BMP8B: variants seen among roughly 807,000 people sequenced by gnomAD.
BMP8B encodes bone morphogenetic protein 8b.
BMP8B carries 17 observed loss-of-function variants against 30.3 expected under a neutral mutation model. The ratio of observed to expected loss-of-function variants is 0.56; its 90% confidence interval spans 0.38 to 0.84. The LOEUF (loss-of-function observed/expected upper bound fraction) is 0.84, where lower values mean the gene tolerates loss of function less well. Among genes scored for constraint, BMP8B ranks in the 40% least tolerant of loss-of-function variants. The probability of loss-of-function intolerance (pLI) is 0.00; values close to 1 mark genes in which losing one functional copy is unlikely to be tolerated. For synonymous variants in BMP8B, 131 were observed against 214.7 expected (o/e 0.61, Z 3.41); for missense variants, 253 against 494.6 (o/e 0.51, Z 4.63).
At chr1:39,776,543 G>A (rs559402113) in intron 1 of BMP8B, among the ~76,000 whole-genome samples, 137 of 152,300 alleles carry the variant, frequency 9.0e-4, no homozygotes, top group South Asian at 2.7e-3. Flanking sequence ...TCGTGGTGGG[G>A]ACCTGGTCCG....
At chr1:39,762,667 C>T (rs1414732106) in intron 6 of BMP8B, 38 of 1,528,298 alleles carry the variant, frequency 2.5e-5, no homozygotes, top group Admixed American at 8.5e-5. Flanking sequence ...TGAGTGCACA[C>T]GCACACCCCA....
intron 1 of BMP8B, among the ~76,000 whole-genome samples, chr1:39,786,025 G>C (rs1260871830): frequency 6.6e-6 from 1 of 152,174 alleles, no homozygotes; most frequent in Non-Finnish European, 1.5e-5. Flanking sequence ...GCTGGTGTGG[G>C]AAGAAGCTGG....
intron 3 of BMP8B, among the ~76,000 whole-genome samples, chr1:39,771,619 A>G (rs1029537984): frequency 6.7e-6 from 1 of 150,120 alleles, no homozygotes; most frequent in Non-Finnish European, 1.5e-5. Context: ...AGCTCATTAA[A>G]GACACCAAGT....
chr1:39,775,663 G>C (rs1237733203), intron 1 of BMP8B, among the ~76,000 whole-genome samples: 1 of 152,262 alleles, frequency 6.6e-6, no homozygotes, highest in Non-Finnish European at 1.5e-5. Flanking sequence ...GGCCAGAGCA[G>C]AGGGGTCTGA....
chr1:39,780,891 A>G (rs148647033), intron 1 of BMP8B, among the ~76,000 whole-genome samples: 10 of 152,160 alleles, frequency 6.6e-5, no homozygotes. Flanking sequence ...GCGAGACCCC[A>G]TCTCCAGCCG....
intron 3 of BMP8B, chr1:39,769,870 G>C: frequency 6.2e-7 from 1 of 1,611,026 alleles, no homozygotes; most frequent in Non-Finnish European, 8.5e-7. Flanking sequence ...TGCGGTCCAC[G>C]CACCGCTTCC....
rs1375413365 is a variant in BMP8B at position 39,760,281 on chromosome 1, A to C, written c.*138T>G. On this transcript the variant is annotated 3_prime_UTR_variant, in exon 7 of 7. Coordinates refer to ENST00000372827, the MANE Select transcript of BMP8B (RefSeq NM_001720.5). ...GCATAGGAGCCTGGCATGAAGGAGA[A>C]AGGGTCATGTACGTGGTTGTGAGGG... 2 of 1,353,208 alleles carry C rather than the reference A, an allele frequency of 1.5e-6. No homozygotes were observed. Among genetic ancestry groups the C allele is most frequent in the Non-Finnish European group, 1.0e-6 (1 of 1,004,190 alleles). 83.8% of individuals were successfully genotyped at this position (1,353,208 alleles called of 1,614,324 possible).
intron 6 of BMP8B, among the ~76,000 whole-genome samples, chr1:39,762,072 G>A (rs569083356): frequency 2.0e-5 from 3 of 152,184 alleles, no homozygotes; most frequent in Non-Finnish European, 4.4e-5. Flanking sequence ...CGCCCCACGC[G>A]TCCTCATCAT....
At chr1:39,762,944 G>A (rs1649205364) in intron 6 of BMP8B, 148 bp downstream of exon 6, 2 of 1,027,042 alleles carry the variant, frequency 1.9e-6, no homozygotes, top group Non-Finnish European at 2.9e-6. Context: ...CAGAGCTGTG[G>A]GAAGTTAGCG....
At chr1:39,787,957 C>G (rs1034098617) in intron 1 of BMP8B, among the ~76,000 whole-genome samples, 195 bp downstream of exon 1, 7 of 152,212 alleles carry the variant, frequency 4.6e-5, no homozygotes, top group Admixed American at 4.6e-4. Flanking sequence ...ACACTCTGCT[C>G]CTGACCACCC....
intron 1 of BMP8B, among the ~76,000 whole-genome samples, chr1:39,779,454 T>C (rs1248224950): frequency 6.6e-6 from 1 of 152,140 alleles, no homozygotes; most frequent in African/African-American, 2.4e-5. Flanking sequence ...GTTCAGAGGT[T>C]GCTGGGGAGG....
In BMP8B at chr1:39,760,156, CG is replaced by C; in HGVS notation, c.*262del. 1 of 565,354 alleles carries C rather than the reference CG, an allele frequency of 1.8e-6. No homozygotes were observed. The highest frequency in any genetic ancestry group is 1.9e-5 in the African/African-American group (1 of 53,220). 35.0% of individuals were successfully genotyped at this position (565,354 alleles called of 1,614,324 possible). On this transcript the variant is annotated 3_prime_UTR_variant, in exon 7 of 7. Coordinates refer to ENST00000372827, the MANE Select transcript of BMP8B (RefSeq NM_001720.5). ...CAAAGAACCAGCCAGGACATGCCTC[CG>C]GGAGAGGCGTTTGCATTTGGGTAGA... is the stretch of plus-strand genomic sequence containing the variant.
At chr1:39,775,980 G>A (rs1254223064) in intron 1 of BMP8B, among the ~76,000 whole-genome samples, 10 of 152,420 alleles carry the variant, frequency 6.6e-5, no homozygotes, top group Non-Finnish European at 1.2e-4. Context: ...GGGTGGAGGC[G>A]CCCACAGGTC....
rs1651164001 is a variant in BMP8B, at chr1:39,788,431, C to G, written c.55G>C (p.Gly19Arg). 9.6e-7 allele frequency: 1 copy of G among 1,038,632 alleles called. No homozygotes were observed. The highest frequency in any genetic ancestry group is 1.2e-6 in the Non-Finnish European group (1 of 866,206). The allele number at this position is 1,038,632 out of a possible 1,614,324, so 64.3% of individuals were successfully genotyped here. ...WLLGLALCAL[G>R]GGGPGLRPPP... is the part of the protein sequence containing the mutation. Reference sequence around the variant, plus strand: ...GGTCGCAGGCCGGGGCCGCCCCCGCCCAGCGCGCATAGCGCCAGGCCCAGG... The same window carrying G: ...GGTCGCAGGCCGGGGCCGCCCCCGCGCAGCGCGCATAGCGCCAGGCCCAGG... The change falls in exon 1 of 7, where the codon GGC (glycine) becomes CGC (arginine). Residue 19 changes from glycine to arginine, a missense_variant. This residue lies in a region of BMP8B where 54 missense variants were observed against 70.8 expected (regional missense o/e 0.76). Transcript: ENST00000372827. This position sits in a 1 kb window ranked among gnomAD's most constrained non-coding sequence, Gnocchi z 5.8.
rs1175367855 is a variant in BMP8B, at chr1:39,788,673, G to A, written c.-188C>T. On this transcript the variant is annotated 5_prime_UTR_variant, in exon 1 of 7. Coordinates refer to ENST00000372827, the MANE Select transcript of BMP8B (RefSeq NM_001720.5). This position sits in a 1 kb window ranked among gnomAD's most constrained non-coding sequence, Gnocchi z 5.8. The stretch of plus-strand genomic sequence containing the variant: ...CTGGAGCGCCCGCCGCGCGACACCT[G>A]TCCTGGCTCCTGGACGAGAGGACGC... The A allele has an allele frequency of 2.6e-6, 1 of 384,132 alleles. No homozygotes were observed. Among genetic ancestry groups the A allele is most frequent in the African/African-American group, 2.2e-5 (1 of 45,772 alleles). The allele number at this position is 384,132 out of a possible 1,614,324, so 23.8% of individuals were successfully genotyped here.
intron 1 of BMP8B, among the ~76,000 whole-genome samples, chr1:39,782,627 C>A (rs230323): frequency 0.053 from 8,018 of 152,050 alleles, 687 homozygotes; most frequent in African/African-American, 0.18. Context: ...GCCACCACAG[C>A]CGGCTAATTT....
intron 3 of BMP8B, chr1:39,770,378 C>G (rs1649871997): frequency 6.3e-7 from 1 of 1,598,496 alleles, no homozygotes; most frequent in African/African-American, 1.5e-5. Context: ...CTCTTCCTTT[C>G]CAGCGTCTCC....
chr1:39,764,096 C>T (rs1649409758), intron 4 of BMP8B, among the ~76,000 whole-genome samples: 3 of 151,260 alleles, frequency 2.0e-5, no homozygotes, highest in Admixed American at 2.0e-4. Context: ...TGTGCCTCCT[C>T]CTCTCTGGAG....
In BMP8B at chr1:39,760,574, C is replaced by T. The variant is rs1279806609; in HGVS notation, c.1060-6G>A. ...TCTGGCATCATCAGGTGCACCTGGC[C>T]AGGAAGAGGGCACAGGCAGGGGCAT... is the stretch of plus-strand genomic sequence containing the variant. On this transcript the variant is annotated splice_polypyrimidine_tract_variant and splice_region_variant and intron_variant, in intron 6 of 6. Coordinates refer to ENST00000372827, the MANE Select transcript of BMP8B (RefSeq NM_001720.5). 1 of 1,613,108 alleles carries T rather than the reference C, an allele frequency of 6.2e-7. No homozygotes were observed. The highest frequency in any genetic ancestry group is 2.2e-5 in the East Asian group (1 of 44,866).
Sources: allele counts gnomAD v4.1 joint callset (sites outside exome capture counted in the v4.1 genomes callset), GRCh38; gene constraint gnomAD v4.1.1; regional missense constraint gnomAD v4.1.1; non-coding constraint Gnocchi (gnomAD v3.1); transcripts MANE v1.5; gene names NCBI Gene and HGNC (gene_info 2026-07-23, HGNC 2026-07-21).